Variants in XPNPEP2 observed in about 807,000 individuals in gnomAD.
XPNPEP2 encodes the protein xaa-Pro aminopeptidase 2.
In XPNPEP2, 64 loss-of-function variants were observed where a neutral mutation model predicts 59.8. The ratio of observed to expected loss-of-function variants is 1.07; its 90% confidence interval spans 0.87 to 1.32. XPNPEP2 has a LOEUF of 1.32. Ranked by LOEUF, XPNPEP2 falls within the 40% of genes most tolerant of loss-of-function variation. XPNPEP2 has a pLI of 0.00. For missense variants in XPNPEP2, 575 were observed against 546.8 expected, an observed-to-expected ratio of 1.05 and a Z score of -0.51; for synonymous variants, 235 against 210.0, an observed-to-expected ratio of 1.12 and a Z score of -1.03.
At chrX:129,739,527 C>G (rs748589754) in intron 1 of XPNPEP2, among the ~76,000 whole-genome samples, 8 of 111,925 alleles carry the variant, frequency 7.1e-5, no homozygotes, top group Non-Finnish European at 3.8e-5. Flanking sequence ...TTAAGACTAC[C>G]GCATTGCAAT....
intron 11 of XPNPEP2, among the ~76,000 whole-genome samples, chrX:129,753,725 A>G (rs1466050250): frequency 3.6e-5 from 4 of 111,768 alleles, no homozygotes; most frequent in South Asian, 3.8e-4. Context: ...CTTGCCCCCA[A>G]TATAGTACAG....
In XPNPEP2 at chrX:129,746,354, A is replaced by G. The variant is rs779858853; in HGVS notation, c.403+14A>G. 8.4e-6 allele frequency: 10 copies of G among 1,194,999 alleles called. No homozygotes were observed. The highest frequency in any genetic ancestry group is 1.1e-5 in the Non-Finnish European group (10 of 883,818). ...TCCATAAGGAAGGTAGAAGGGCCGC[A>G]TGGATTTGTTCCCCAAGTCTTGGGA... is the stretch of plus-strand genomic sequence containing the variant. On this transcript the variant is annotated intron_variant, in intron 5 of 20. Coordinates refer to ENST00000371106, the MANE Select transcript of XPNPEP2 (RefSeq NM_003399.6).
chrX:129,744,051 C>G lies in XPNPEP2; in HGVS notation c.214C>G (p.Pro72Ala). 2 of 1,211,099 alleles carry G rather than the reference C, an allele frequency of 1.7e-6. No individual in the cohort carries two copies. Among genetic ancestry groups the G allele is most frequent in the Non-Finnish European group, 2.2e-6 (2 of 894,907 alleles). The change falls in exon 3 of 21, where the codon CCA becomes GCA. Residue 72 changes from proline to alanine, a missense_variant. Pro to Ala is a conservative substitution (Grantham distance 27). Transcript: ENST00000371106. ...QTQNLSAYII[P>A]GTDAHMNEYI... ...CCAGAATCTCTCAGCCTACATCATC[C>G]CAGGCACAGATGCTCACATGGTAAG...
At chrX:129,766,605 C>T (rs1266218320) in intron 19 of XPNPEP2, among the ~76,000 whole-genome samples, 1 of 111,200 alleles carries the variant, frequency 9.0e-6, no homozygotes, top group Admixed American at 9.5e-5. Context: ...ACCTCCTGGG[C>T]TCAGGTGATG....
intron 4 of XPNPEP2, 140 bp downstream of exon 4, chrX:129,745,406 T>C: frequency 1.5e-6 from 1 of 652,302 alleles, no homozygotes; most frequent in Non-Finnish European, 2.4e-6. Flanking sequence ...TCTGTCTCCC[T>C]CCACCACCCC....
chrX:129,767,557 C>T, intron 19 of XPNPEP2, 46 bp from the exon 20 acceptor site: 1 of 1,165,326 alleles, frequency 8.6e-7, no homozygotes, highest in Non-Finnish European at 1.2e-6. Flanking sequence ...AGTTCCTCCT[C>T]CTCCCTCACT....
intron 4 of XPNPEP2, among the ~76,000 whole-genome samples, 176 bp downstream of exon 4, chrX:129,745,442 A>T (rs1231058067): frequency 9.0e-6 from 1 of 111,008 alleles, no homozygotes; most frequent in African/African-American, 3.3e-5. Context: ...CCCAGGGCAC[A>T]TATCTCATAG....
intron 1 of XPNPEP2, among the ~76,000 whole-genome samples, 198 bp downstream of exon 1, chrX:129,739,460 C>T: frequency 9.0e-6 from 1 of 111,671 alleles, no homozygotes. Flanking sequence ...TTTCCATTCC[C>T]CCCGTTATAG....
At chrX:129,751,898 C>G (rs991940700) in intron 9 of XPNPEP2, 72 bp downstream of exon 9, 1 of 1,061,809 alleles carries the variant, frequency 9.4e-7, no homozygotes, top group African/African-American at 1.8e-5. Context: ...CACCACTGAT[C>G]CCGCCTTAAT....
intron 7 of XPNPEP2, 119 bp downstream of exon 7, chrX:129,747,872 ATGCAC>A: frequency 9.6e-7 from 1 of 1,046,186 alleles, no homozygotes; most frequent in African/African-American, 1.8e-5. Context: ...AAACCTTAGC[ATGCAC>A]CTGAGTCACC....
At chrX:129,764,813 A>C (rs1926718236) in intron 19 of XPNPEP2, among the ~76,000 whole-genome samples, 1 of 109,094 alleles carries the variant, frequency 9.2e-6, no homozygotes, top group Admixed American at 9.9e-5. Context: ...AAAATACAAA[A>C]ATTAGCCAGG....
intron 1 of XPNPEP2, among the ~76,000 whole-genome samples, chrX:129,740,500 G>C (rs773216792): frequency 1.8e-5 from 2 of 110,251 alleles, no homozygotes; most frequent in African/African-American, 6.6e-5. Context: ...GGTGGCGCAC[G>C]CTTGTAATCC....
At chrX:129,739,383 G>C in intron 1 of XPNPEP2, 121 bp downstream of exon 1, 1 of 762,575 alleles carries the variant, frequency 1.3e-6, no homozygotes, top group South Asian at 2.7e-5. Flanking sequence ...TCTCTGACTT[G>C]AGGAAGAGAC....
intron 15 of XPNPEP2, among the ~76,000 whole-genome samples, chrX:129,759,441 C>A (rs2076205): frequency 1.4e-4 from 16 of 112,212 alleles, no homozygotes; most frequent in African/African-American, 5.2e-4. Flanking sequence ...AAGGCCTCAG[C>A]CCAAGCTGAG....
chrX:129,762,752 G>A lies in XPNPEP2; in HGVS notation c.1722G>A (p.Val574=). The A allele has an allele frequency of 8.3e-7, 1 of 1,211,832 alleles. No homozygotes were observed. Among genetic ancestry groups the A allele is most frequent in the South Asian group, 1.8e-5 (1 of 57,027 alleles). ...TCCGTCTCGAAGATGTGGCTCTCGT[G>A]GTAGAAGCAAAGACCAAGGTAAACT... ...FGIRLEDVAL[V]VEAKTKYPGS... Residue 574 remains valine (V), a synonymous_variant, in exon 19 of 21, where the codon GTG becomes GTA. Coordinates refer to ENST00000371106, the MANE Select transcript of XPNPEP2 (RefSeq NM_003399.6).
At chrX:129,757,820 A>AAAG (rs1926559737) in intron 14 of XPNPEP2, among the ~76,000 whole-genome samples, 2 of 90,942 alleles carry the variant, frequency 2.2e-5, no homozygotes, top group Non-Finnish European at 4.3e-5. Context: ...AGAAAGAAAG[A>AAAG]AAGAAAGAAA....
chrX:129,750,511 G>A lies in XPNPEP2; in HGVS notation c.681G>A (p.Met227Ile). The A allele has an allele frequency of 3.3e-6, 4 of 1,198,291 alleles. No individual in the cohort carries two copies. The highest frequency in any genetic ancestry group is 4.5e-6 in the Non-Finnish European group (4 of 888,915). Residue 227 changes from methionine (M) to isoleucine (I), a missense_variant, in exon 8 of 21, where the codon ATG becomes ATA. Physicochemically the swap from Met to Ile is conservative, Grantham distance 10 (BLOSUM62 1). Transcript: ENST00000371106. ...AAGTATCTGGCGTCCGAAGCCAGAT[G>A]CAGAAGCATCAAAAGGTCCCGACTG... ...QEKVSGVRSQ[M>I]QKHQKVPTAV...
rs1381934455 is a variant in XPNPEP2 at position 129,761,268 on chromosome X, T to C, written c.1595T>C (p.Val532Ala). The change falls in exon 17 of 21, where the codon GTG (valine) becomes GCG (alanine). Residue 532 changes from valine (V) to alanine (A), a missense_variant. Transcript: ENST00000371106. Reference sequence around the variant, plus strand: ...CACGGCATTGGCAACTTCCTGTGTGTGCATGAGTGTAGGTGTCTCCTCAGC... The same window carrying C: ...CACGGCATTGGCAACTTCCTGTGTGCGCATGAGTGTAGGTGTCTCCTCAGC... ...TGHGIGNFLC[V>A]HEWPVGFQSN... is the part of the protein sequence containing the mutation. The C allele has an allele frequency of 1.7e-6, 2 of 1,208,982 alleles. No homozygotes were observed. Among genetic ancestry groups the C allele is most frequent in the East Asian group, 3.0e-5 (1 of 33,833 alleles).
At position 129,769,204 on chromosome X, in the gene XPNPEP2, A is replaced by C. The variant is rs1244263783; in HGVS notation, c.*719A>C. 1 of 112,475 alleles carries C rather than the reference A, an allele frequency of 8.9e-6. No individual in the cohort carries two copies. Among genetic ancestry groups the C allele is most frequent in the Non-Finnish European group, 1.9e-5 (1 of 53,248 alleles). The allele number at this position is 112,475 out of a possible 1,213,427, so 9.3% of individuals were successfully genotyped here. A position where few individuals can be genotyped will look rare whatever the true frequency, so the allele number is the denominator to read the frequency against. ...TTTCCAAAGTGCAGCCACAGCTACA[A>C]TGCTGTTAAATCCTCCCACATTCTT... On this transcript the variant is annotated 3_prime_UTR_variant, in exon 21 of 21. Coordinates refer to ENST00000371106, the MANE Select transcript of XPNPEP2 (RefSeq NM_003399.6).
Sources: gnomAD v4.1 joint callset for allele counts (sites outside exome capture counted in the v4.1 genomes callset) on GRCh38, gnomAD v4.1.1 for gene constraint, MANE v1.5 for transcripts, NCBI Gene and HGNC (gene_info 2026-07-23, HGNC 2026-07-21) for gene names.